The following EPHB2 variants were observed in gnomAD, a reference collection of about 807,000 sequenced individuals.
EPHB2 encodes EPH receptor B2.
In EPHB2, 18 loss-of-function variants were observed where a neutral mutation model predicts 96.4. The observed-to-expected ratio is 0.19, with a 90% CI of 0.13 to 0.28. EPHB2 has a LOEUF of 0.28. Ranked by LOEUF, EPHB2 falls within the 10% of genes least tolerant of loss-of-function variation. The pLI, the probability that EPHB2 is intolerant of heterozygous loss-of-function variation, is 1.00. For synonymous variants in EPHB2, 506 were observed against 534.1 expected (o/e 0.95, Z 0.72); for missense variants, 989 against 1,355.4 (o/e 0.73, Z 4.25).
Position 22,801,246 on chromosome 1 carries a change from C to T in EPHB2, c.811+16170C>T, listed in dbSNP as rs147870262. On this transcript the variant is annotated intron_variant, in intron 3 of 15. Transcript: ENST00000374630. The stretch of plus-strand genomic sequence containing the variant: ...TCATCTGTCCCGGCTGTTACGTTTA[C>T]GAAGCACTTTCATCTGGGGAGAGAG... Among the ~76,000 whole-genome samples the T allele has an allele frequency of 7.4e-3, 1,129 of 152,282 alleles. 14 individuals are homozygous for T. Among genetic ancestry groups the T allele is most frequent in the South Asian group, 0.041 (197 of 4,822 alleles).
At chr1:22,778,266 T>A (rs1218898938) in intron 1 of EPHB2, among the ~76,000 whole-genome samples, 1 of 151,894 alleles carries the variant, frequency 6.6e-6, no homozygotes, top group Non-Finnish European at 1.5e-5. Context: ...CCTCAAGTGA[T>A]CTCCCCCCCT....
intron 5 of EPHB2, among the ~76,000 whole-genome samples, chr1:22,867,681 G>A (rs1638523902): frequency 6.6e-6 from 1 of 152,140 alleles, no homozygotes; most frequent in Non-Finnish European, 1.5e-5. Context: ...AGACCAGCCT[G>A]GAAAACATGG....
chr1:22,806,097 C>T (rs147489904), intron 3 of EPHB2, among the ~76,000 whole-genome samples: 249 of 152,342 alleles, frequency 1.6e-3, no homozygotes, highest in African/African-American at 5.3e-3. Context: ...TCCTAGACCA[C>T]GGTTCTTCCC....
rs144400590 is a variant in EPHB2 at position 22,771,575 on chromosome 1, G to A, written c.62-9846G>A. Among the ~76,000 whole-genome samples, 17 of 152,296 alleles carry A rather than the reference G, an allele frequency of 1.1e-4. No individual in the cohort carries two copies. In the East Asian group the frequency reaches 3.3e-3, roughly 29 times the overall value. Reference sequence around the variant, plus strand: ...CCTGAGGGTATCTCAGCTCTGCCACGTCTTGCAAGTGACTGCCTCTCTGAG... The same window carrying A: ...CCTGAGGGTATCTCAGCTCTGCCACATCTTGCAAGTGACTGCCTCTCTGAG... On this transcript the variant is annotated intron_variant, in intron 1 of 15. Transcript: ENST00000374630.
At chr1:22,797,317 A>G (rs1644780879) in intron 3 of EPHB2, among the ~76,000 whole-genome samples, 1 of 152,170 alleles carries the variant, frequency 6.6e-6, no homozygotes, top group African/African-American at 2.4e-5. Context: ...AGTGGGAGAC[A>G]TGGACGTAAT....
chr1:22,851,188 A>G (rs973988700), intron 3 of EPHB2, among the ~76,000 whole-genome samples: 1 of 152,244 alleles, frequency 6.6e-6, no homozygotes, highest in African/African-American at 2.4e-5. Context: ...TGTAGAGTCA[A>G]GGTCTCACTA....
In EPHB2 at chr1:22,906,007, T is replaced by C; in HGVS notation, c.1786T>C (p.Tyr596His). The C allele has an allele frequency of 6.2e-7, 1 of 1,614,232 alleles. No homozygotes were observed. Among genetic ancestry groups the C allele is most frequent in the Non-Finnish European group, 8.5e-7 (1 of 1,180,050 alleles). Residue 596 changes from tyrosine to histidine, a missense_variant, in exon 10 of 16, where the codon TAC becomes CAC. Tyr to His is a moderately conservative substitution (Grantham distance 83). Coordinates refer to ENST00000374630, the MANE Select transcript of EPHB2 (RefSeq NM_017449.5). This position sits in a 1 kb window ranked among gnomAD's most constrained non-coding sequence, Gnocchi z 4.8. Reference protein sequence around the residue: ...SGHMTPGMKIYIDPFTYEDPN... With the variant: ...SGHMTPGMKIHIDPFTYEDPN... Reference sequence around the variant, plus strand: ...CCCAGTGACCCCAGGCATGAAGATCTACATCGATCCTTTCACCTACGAGGA... The same window carrying C: ...CCCAGTGACCCCAGGCATGAAGATCCACATCGATCCTTTCACCTACGAGGA...
intron 2 of EPHB2, among the ~76,000 whole-genome samples, chr1:22,783,152 AC>A (rs1190763118): frequency 2.0e-5 from 3 of 152,316 alleles, no homozygotes; most frequent in African/African-American, 7.2e-5. Context: ...AGCACAGGCA[AC>A]CACACGAACA....
At chr1:22,729,803 C>T (rs899795412) in intron 1 of EPHB2, among the ~76,000 whole-genome samples, 6 of 152,236 alleles carry the variant, frequency 3.9e-5, no homozygotes, top group African/African-American at 1.4e-4. Flanking sequence ...GTCAACTTTA[C>T]AAGGGCAGGG....
intron 3 of EPHB2, among the ~76,000 whole-genome samples, chr1:22,851,880 G>T (rs1645630310): frequency 6.6e-6 from 1 of 152,186 alleles, no homozygotes; most frequent in Admixed American, 6.5e-5. Flanking sequence ...TCTTCAGCAG[G>T]TCTCCAGCTT....
rs976570769 is a variant in EPHB2 at position 22,865,267 on chromosome 1, G to C, written c.1303+55G>C. The C allele has an allele frequency of 5.6e-6, 9 of 1,597,160 alleles. No individual in the cohort carries two copies. The African/African-American group carries it at 1.1e-4, about 19-fold the overall frequency. On this transcript the variant is annotated intron_variant, in intron 5 of 15. Coordinates refer to ENST00000374630, the MANE Select transcript of EPHB2 (RefSeq NM_017449.5). ...TGCCCCATCGCGCTGTGCCAGGGAG[G>C]GTCCTGCAGTCCTCACAAAAGACTC...
intron 1 of EPHB2, among the ~76,000 whole-genome samples, chr1:22,736,070 AAG>A (rs749297411): frequency 7.9e-5 from 12 of 152,318 alleles, no homozygotes; most frequent in East Asian, 7.7e-4. Flanking sequence ...AAATAGCACT[AAG>A]AGACATGTGG....
intron 9 of EPHB2, among the ~76,000 whole-genome samples, chr1:22,897,473 C>T (rs1459671604): frequency 6.6e-6 from 1 of 152,108 alleles, no homozygotes; most frequent in African/African-American, 2.4e-5. Context: ...AGGCACTGTT[C>T]TAGGTGCTGG....
chr1:22,771,690 G>C (rs977687472), intron 1 of EPHB2, among the ~76,000 whole-genome samples: 2 of 152,174 alleles, frequency 1.3e-5, no homozygotes, highest in African/African-American at 4.8e-5. Flanking sequence ...TATTAACGTG[G>C]CAGGCATTGT....
chr1:22,886,440 A>G (rs1045217453), intron 6 of EPHB2, among the ~76,000 whole-genome samples: 11 of 152,068 alleles, frequency 7.2e-5, no homozygotes, highest in African/African-American at 2.7e-4. Flanking sequence ...GGAATTATGC[A>G]ATCTGACTCA....
At chr1:22,910,674 C>A in intron 14 of EPHB2, 99 bp downstream of exon 14, 2 of 1,455,816 alleles carry the variant, frequency 1.4e-6, no homozygotes, top group Non-Finnish European at 1.9e-6. Flanking sequence ...TTCCTTACTG[C>A]AGCTTGGGAT....
At chr1:22,811,300 C>T (rs1238069725) in intron 3 of EPHB2, among the ~76,000 whole-genome samples, 1 of 152,168 alleles carries the variant, frequency 6.6e-6, no homozygotes, top group East Asian at 1.9e-4. Flanking sequence ...GCATTAGGTC[C>T]AGATTCTCTG....
intron 3 of EPHB2, among the ~76,000 whole-genome samples, chr1:22,835,279 C>T (rs1645363512): frequency 6.6e-6 from 1 of 152,078 alleles, no homozygotes; most frequent in Non-Finnish European, 1.5e-5. Context: ...ACTCAGGAGG[C>T]TAAGGCCAGA....
At chr1:22,884,619 CA>C (rs10599403) in intron 6 of EPHB2, among the ~76,000 whole-genome samples, 5,034 of 87,270 alleles carry the variant, frequency 0.058, 250 homozygotes, top group African/African-American at 0.19. Context: ...GATGCTGTCT[CA>C]AAAAAAAAAA....
Sources: gnomAD v4.1 joint callset for allele counts (sites outside exome capture counted in the v4.1 genomes callset) on GRCh38, gnomAD v4.1.1 for gene constraint, Gnocchi (gnomAD v3.1) non-coding constraint, MANE v1.5 for transcripts, NCBI Gene and HGNC (gene_info 2026-07-23, HGNC 2026-07-21) for gene names.